Variants in ZNF280C observed in about 807,000 individuals in gnomAD.
ZNF280C encodes zinc finger protein 280C.
Under a neutral mutation model 53.6 loss-of-function variants are expected in ZNF280C, and 14 were observed. That is an observed-to-expected ratio of 0.26 (90% CI 0.17 to 0.41). The LOEUF is 0.41. Among genes scored for constraint, ZNF280C ranks in the 10% least tolerant of loss-of-function variants. The pLI is 1.00. For synonymous variants in ZNF280C, 203 were observed against 181.1 expected (o/e 1.12, Z -0.97); for missense variants, 416 against 547.1 (o/e 0.76, Z 2.39).
chrX:130,264,674 TTA>T (rs1429576751), intron 1 of ZNF280C, among the ~76,000 whole-genome samples: 1 of 110,537 alleles, frequency 9.0e-6, no homozygotes, highest in East Asian at 2.8e-4. Context: ...AGGGAATATA[TTA>T]TATATATAGT....
At chrX:130,206,602 G>A (rs1426514882) in intron 16 of ZNF280C, among the ~76,000 whole-genome samples, 2 of 110,918 alleles carry the variant, frequency 1.8e-5, no homozygotes, top group African/African-American at 6.6e-5. Flanking sequence ...TCCTGACCTC[G>A]TGATCCACCC....
chrX:130,206,361 G>GTTTTTTTTT (rs1048503644), intron 16 of ZNF280C, among the ~76,000 whole-genome samples: 2 of 73,481 alleles, frequency 2.7e-5, no homozygotes, highest in Non-Finnish European at 5.0e-5. Flanking sequence ...GACTTCTTTA[G>GTTTTTTTTT]TTTTTTTTTT....
At chrX:130,228,546 G>A (rs1432663255) in intron 10 of ZNF280C, among the ~76,000 whole-genome samples, 1 of 109,535 alleles carries the variant, frequency 9.1e-6, no homozygotes, top group African/African-American at 3.3e-5. Flanking sequence ...GCTTCCCAGA[G>A]TGCTGGGATT....
intron 2 of ZNF280C, among the ~76,000 whole-genome samples, chrX:130,259,610 C>T (rs1327326865): frequency 3.6e-5 from 4 of 112,267 alleles, no homozygotes; most frequent in East Asian, 2.8e-4. Flanking sequence ...CAGTAGTTAT[C>T]GCTGGGGATG....
At chrX:130,261,066 T>C (rs2032625814) in intron 1 of ZNF280C, among the ~76,000 whole-genome samples, 1 of 112,127 alleles carries the variant, frequency 8.9e-6, no homozygotes. Context: ...TTGGATAAAT[T>C]GCGTAGTAAA....
chrX:130,255,209 C>T (rs2032555799), intron 2 of ZNF280C, among the ~76,000 whole-genome samples: 3 of 94,650 alleles, frequency 3.2e-5, no homozygotes, highest in Non-Finnish European at 6.2e-5. Flanking sequence ...GGCGGGATCT[C>T]GGCTCACTGC....
Position 130,215,877 on chromosome X carries a change from T to C in ZNF280C, c.1752A>G (p.Ile584Met), listed in dbSNP as rs183167830. 20 of 1,209,636 alleles carry C rather than the reference T, an allele frequency of 1.7e-5. No individual in the cohort carries two copies. The South Asian group carries it at 2.5e-4, about 15-fold the overall frequency. Residue 584 changes from isoleucine (I) to methionine (M), a missense_variant, in exon 14 of 19, where the codon ATA (isoleucine) becomes ATG (methionine). Coordinates refer to ENST00000370978, the MANE Select transcript of ZNF280C (RefSeq NM_017666.5). ...AAGAGGGTTTTGCTTTGGACTTAGCTATACGTCCCCTTGGCTTACTTGTAT... is the reference window on the plus strand; with the variant it reads ...AAGAGGGTTTTGCTTTGGACTTAGCCATACGTCCCCTTGGCTTACTTGTAT... ...KVNTSKPRGR[I>M]AKSKAKPSYK...
At chrX:130,245,334 T>A (rs1421727526) in intron 3 of ZNF280C, among the ~76,000 whole-genome samples, 4 of 111,686 alleles carry the variant, frequency 3.6e-5, no homozygotes, top group Non-Finnish European at 1.9e-5. Flanking sequence ...AATTTTGAAA[T>A]ATGGTAATAT....
chrX:130,215,446 AG>A, intron 14 of ZNF280C, 113 bp from the exon 15 acceptor site: 1 of 754,715 alleles, frequency 1.3e-6, no homozygotes, highest in South Asian at 3.7e-5. Flanking sequence ...GGTATCTTTA[AG>A]TAGACTCATA....
At chrX:130,234,190 T>C (rs1319610072) in intron 8 of ZNF280C, among the ~76,000 whole-genome samples, 2 of 110,651 alleles carry the variant, frequency 1.8e-5, no homozygotes, top group African/African-American at 6.6e-5. Flanking sequence ...TTTGGGAGGG[T>C]TGAAAGTAAA....
intron 12 of ZNF280C, among the ~76,000 whole-genome samples, chrX:130,224,500 G>A (rs1034660250): frequency 8.9e-6 from 1 of 111,861 alleles, no homozygotes; most frequent in African/African-American, 3.2e-5. Flanking sequence ...ATAGGACTTA[G>A]TGTTATACTC....
At chrX:130,255,076 G>C (rs1474166051) in intron 2 of ZNF280C, among the ~76,000 whole-genome samples, 1 of 101,235 alleles carries the variant, frequency 9.9e-6, no homozygotes, top group Admixed American at 1.1e-4. Context: ...GAAACCAAAA[G>C]ACAAAAAACA....
At chrX:130,255,968 A>G (rs941298078) in intron 2 of ZNF280C, among the ~76,000 whole-genome samples, 10 of 110,956 alleles carry the variant, frequency 9.0e-5, no homozygotes, top group African/African-American at 3.3e-4. Flanking sequence ...ACAAACAAAC[A>G]AGAATAAAGA....
intron 2 of ZNF280C, among the ~76,000 whole-genome samples, chrX:130,259,881 T>C (rs209223): frequency 0.48 from 53,110 of 109,630 alleles, 9,940 homozygotes; most frequent in African/African-American, 0.68. Context: ...TCCAAGCTAC[T>C]TGGGAGGCTG....
intron 2 of ZNF280C, 47 bp from the exon 3 acceptor site, chrX:130,247,052 A>G (rs2032458044): frequency 8.9e-7 from 1 of 1,118,304 alleles, no homozygotes; most frequent in East Asian, 3.0e-5. Flanking sequence ...AAAGAGAAAA[A>G]TATTTTCTGT....
At position 130,202,770 on chromosome X, in the gene ZNF280C, A is replaced by T. The variant is rs756392680; in HGVS notation, c.*2207T>A. 9.0e-6 allele frequency: 1 copy of T among 111,405 alleles called. No homozygotes were observed. The highest frequency in any genetic ancestry group is 1.9e-5 in the Non-Finnish European group (1 of 53,096). The allele number at this position is 111,405 out of a possible 1,213,427, so 9.2% of individuals were successfully genotyped here. On this transcript the variant is annotated 3_prime_UTR_variant, in exon 19 of 19. Transcript: ENST00000370978. The stretch of plus-strand genomic sequence containing the variant: ...GCACTTTAACAATACAAATTTTATT[A>T]AAAAAATAACATCAAAACTGTTCAG...
chrX:130,234,403 A>C (rs1020705121), intron 8 of ZNF280C, among the ~76,000 whole-genome samples: 2 of 112,262 alleles, frequency 1.8e-5, no homozygotes, highest in African/African-American at 6.5e-5. Context: ...ATATCAAGGG[A>C]AACAGTGGTA....
chrX:130,219,519 C>T (rs1246830020), intron 13 of ZNF280C, among the ~76,000 whole-genome samples: 11 of 97,055 alleles, frequency 1.1e-4, no homozygotes, highest in Non-Finnish European at 1.4e-4. Context: ...AAAAAGTCAG[C>T]GAAAACATAT....
In ZNF280C at chrX:130,204,986, T is replaced by A. The variant is rs769834807; in HGVS notation, c.2205A>T (p.Ser735=). 1.4e-5 allele frequency: 15 copies of A among 1,074,215 alleles called. No individual in the cohort carries two copies. The South Asian group carries it at 4.0e-4, about 29-fold the overall frequency. 88.5% of individuals were successfully genotyped at this position (1,074,215 alleles called of 1,213,427 possible). A position where few individuals can be genotyped will look rare whatever the true frequency, so the allele number is the denominator to read the frequency against. Residue 735 remains serine (S), a synonymous_variant, in exon 19 of 19, where the codon TCA becomes TCT. Transcript: ENST00000370978. The stretch of plus-strand genomic sequence containing the variant: ...TCCATGGAGCAGGAATCTATTTCAA[T>A]GAGCAGCTTTAAGAAAAAAAAAAAA... ...TSTSEPTTGC[S]LK is the part of the protein sequence containing the mutation.
Sources: allele counts gnomAD v4.1 joint callset (sites outside exome capture counted in the v4.1 genomes callset), GRCh38; gene constraint gnomAD v4.1.1; transcripts MANE v1.5; gene names NCBI Gene and HGNC (gene_info 2026-07-23, HGNC 2026-07-21).